The following BACH2 variants were observed in gnomAD, a reference collection of about 807,000 sequenced individuals.
The protein encoded by BACH2 is BACH transcriptional regulator 2.
Under a neutral mutation model 61.8 loss-of-function variants are expected in BACH2, and 5 were observed. That is an observed-to-expected ratio of 0.08 (90% CI 0.04 to 0.17). The LOEUF is 0.17. Ranked by LOEUF, BACH2 falls within the 10% of genes least tolerant of loss-of-function variation. The pLI, the probability that BACH2 is intolerant of heterozygous loss-of-function variation, is 1.00. For missense variants in BACH2, 824 were observed against 1,091.1 expected, an observed-to-expected ratio of 0.76 and a Z score of 3.45; for synonymous variants, 446 against 440.1, an observed-to-expected ratio of 1.01 and a Z score of -0.17.
chr6:90,191,473 T>A (rs1768569880), intron 4 of BACH2, among the ~76,000 whole-genome samples: 1 of 152,262 alleles, frequency 6.6e-6, no homozygotes, highest in African/African-American at 2.4e-5. Context: ...ATTTTGTATT[T>A]GTGTTTAGTT....
chr6:90,212,748 A>C (rs1427761880), intron 3 of BACH2, among the ~76,000 whole-genome samples: 1 of 152,006 alleles, frequency 6.6e-6, no homozygotes, highest in Non-Finnish European at 1.5e-5. Flanking sequence ...GGTAATAAAG[A>C]GGAGGAAACA....
rs536434635 is a variant in BACH2, at chr6:89,949,394, T to A, written c.1836+876A>T. ...GTGAACGCCAGGTCACGACACAGAC[T>A]CTCTCAGGTCTTTCTAGGGAATGTT... On this transcript the variant is annotated intron_variant, in intron 7 of 8. Transcript: ENST00000257749. Among the ~76,000 whole-genome samples the A allele has an allele frequency of 2.8e-4, 42 of 152,258 alleles. 1 individual carries two copies. Among genetic ancestry groups the A allele is most frequent in the Admixed American group, 1.5e-3 (23 of 15,306 alleles).
At chr6:90,244,528 G>T (rs1163809624) in intron 3 of BACH2, among the ~76,000 whole-genome samples, 1 of 152,166 alleles carries the variant, frequency 6.6e-6, no homozygotes, top group African/African-American at 2.4e-5. Flanking sequence ...TGCCTACTTG[G>T]ATGGATTAGT....
intron 5 of BACH2, among the ~76,000 whole-genome samples, chr6:90,045,080 A>G (rs1388596337): frequency 6.6e-6 from 1 of 152,214 alleles, no homozygotes; most frequent in Non-Finnish European, 1.5e-5. Context: ...CTCAGGAAGG[A>G]AACTGTTATC....
intron 5 of BACH2, among the ~76,000 whole-genome samples, chr6:90,063,547 C>T (rs1284290544): frequency 6.6e-6 from 1 of 152,138 alleles, no homozygotes; most frequent in South Asian, 2.1e-4. Context: ...TTAGAGGTGA[C>T]TTACAGGTTT....
intron 5 of BACH2, among the ~76,000 whole-genome samples, chr6:90,073,696 T>C (rs1168547833): frequency 6.6e-6 from 1 of 152,164 alleles, no homozygotes; most frequent in African/African-American, 2.4e-5. Flanking sequence ...TTTTTCTGCC[T>C]TGCTGAGGTC....
chr6:90,057,117 G>A (rs956913492), intron 5 of BACH2, among the ~76,000 whole-genome samples: 19 of 152,058 alleles, frequency 1.2e-4, no homozygotes, highest in South Asian at 4.2e-4. Context: ...AGAAATAACC[G>A]AGATCAGAGC....
chr6:90,259,556 G>C (rs1183870911), intron 2 of BACH2, among the ~76,000 whole-genome samples: 1 of 152,138 alleles, frequency 6.6e-6, no homozygotes, highest in Non-Finnish European at 1.5e-5. Flanking sequence ...TCTTTGGCTG[G>C]CTGGGTATCA....
intron 1 of BACH2, among the ~76,000 whole-genome samples, chr6:90,277,457 C>T (rs903010925): frequency 2.6e-5 from 4 of 152,110 alleles, no homozygotes; most frequent in Non-Finnish European, 5.9e-5. Context: ...TATGCTTTCC[C>T]AAGTCAGAGT....
chr6:90,288,257 C>A (rs1772079257), intron 1 of BACH2, among the ~76,000 whole-genome samples: 1 of 152,050 alleles, frequency 6.6e-6, no homozygotes, highest in Non-Finnish European at 1.5e-5. Flanking sequence ...ACTAAATCAG[C>A]AGCTTTAATT....
chr6:90,256,797 A>T (rs936255789), intron 2 of BACH2, among the ~76,000 whole-genome samples: 1 of 152,130 alleles, frequency 6.6e-6, no homozygotes, highest in Non-Finnish European at 1.5e-5. Context: ...CATGAATCCC[A>T]TACCTATAGT....
At chr6:90,166,807 CA>C (rs1397585668) in intron 4 of BACH2, among the ~76,000 whole-genome samples, 1 of 149,168 alleles carries the variant, frequency 6.7e-6, no homozygotes, top group Non-Finnish European at 1.5e-5. Context: ...ATTGCAAGGA[CA>C]AAAAACCAAA....
Position 89,932,594 on chromosome 6 carries a change from G to C in BACH2, c.2340C>G (p.Pro780=), listed in dbSNP as rs1469317259. ...LEPGAAPPGP[P]WAPSNTSENC... Reference sequence around the variant, plus strand: ...TCTCGGAGGTGTTGCTGGGTGCCCAGGGGGGTCCGGGGGGAGCCGCGCCTG... The same window carrying C: ...TCTCGGAGGTGTTGCTGGGTGCCCACGGGGGTCCGGGGGGAGCCGCGCCTG... Residue 780 remains proline, a synonymous_variant, in exon 9 of 9, where the codon CCC becomes CCG. Transcript: ENST00000257749. The C allele has an allele frequency of 1.2e-6, 2 of 1,613,960 alleles. No homozygotes were observed. The highest frequency in any genetic ancestry group is 1.7e-6 in the Non-Finnish European group (2 of 1,179,960).
chr6:90,162,689 T>C (rs1313473625), intron 4 of BACH2, among the ~76,000 whole-genome samples: 1 of 152,110 alleles, frequency 6.6e-6, no homozygotes, highest in African/African-American at 2.4e-5. Flanking sequence ...ACACCAGAGA[T>C]TTGTCTACTA....
In BACH2 at chr6:89,977,604, G is replaced by A. The variant is rs1364722674; in HGVS notation, c.244-25742C>T. On this transcript the variant is annotated intron_variant, in intron 6 of 8. Transcript: ENST00000257749. ...AATTCATTTTAAAGCAGTGTACCAT[G>A]TACAAATGCTGTCTTACAAATAGGA... 2.0e-5 allele frequency among the ~76,000 whole-genome samples: 3 copies of A among 152,210 alleles called. No individual in the cohort carries two copies. The East Asian group carries it at 5.8e-4, about 29-fold the overall frequency.
At chr6:90,200,512 A>G (rs1768921162) in intron 4 of BACH2, among the ~76,000 whole-genome samples, 2 of 152,160 alleles carry the variant, frequency 1.3e-5, no homozygotes, top group South Asian at 4.1e-4. Context: ...GAATGACCCT[A>G]GGTCCAAATC....
chr6:90,222,781 C>A (rs899027076), intron 3 of BACH2, among the ~76,000 whole-genome samples: 1 of 152,106 alleles, frequency 6.6e-6, no homozygotes, highest in Non-Finnish European at 1.5e-5. Flanking sequence ...CCCCTCTTAG[C>A]CTCTATCATC....
chr6:90,296,172 T>G (rs1477942232), intron 1 of BACH2, among the ~76,000 whole-genome samples: 1 of 152,104 alleles, frequency 6.6e-6, no homozygotes, highest in Non-Finnish European at 1.5e-5. Flanking sequence ...CTCCCTCTGC[T>G]GTTCCAAAAC....
chr6:90,233,992 T>C (rs1770182552), intron 3 of BACH2, among the ~76,000 whole-genome samples: 1 of 152,162 alleles, frequency 6.6e-6, no homozygotes, highest in Non-Finnish European at 1.5e-5. Flanking sequence ...GTTTTCCTGT[T>C]AGTCTGAAGA....
Sources: allele counts gnomAD v4.1 joint callset (sites outside exome capture counted in the v4.1 genomes callset), GRCh38; gene constraint gnomAD v4.1.1; transcripts MANE v1.5; gene names NCBI Gene and HGNC (gene_info 2026-07-23, HGNC 2026-07-21).